RAPGEF5: variants seen among roughly 807,000 people sequenced by gnomAD.
RAPGEF5 encodes the protein M-Ras-regulated GEF.
RAPGEF5 carries 65 observed loss-of-function variants against 125.2 expected under a neutral mutation model. The ratio of observed to expected loss-of-function variants is 0.52; its 90% CI spans 0.43 to 0.64. RAPGEF5 has a LOEUF of 0.64. RAPGEF5 is among the 30% of genes least tolerant of loss of function. The pLI, the probability that RAPGEF5 is intolerant of heterozygous loss-of-function variation, is 0.00. For synonymous variants in RAPGEF5, 391 were observed against 385.9 expected, an observed-to-expected ratio of 1.01 and a Z score of -0.16; for missense variants, 958 against 1,048.1, an observed-to-expected ratio of 0.91 and a Z score of 1.19.
intron 6 of RAPGEF5, among the ~76,000 whole-genome samples, chr7:22,286,841 T>G (rs1782810171): frequency 6.6e-6 from 1 of 152,232 alleles, no homozygotes; most frequent in Non-Finnish European, 1.5e-5. Context: ...CTGGAAGAAT[T>G]CATGTTTAAA....
intron 7 of RAPGEF5, among the ~76,000 whole-genome samples, chr7:22,264,146 T>TAA (rs34792717): frequency 1.1e-4 from 17 of 151,972 alleles, no homozygotes; most frequent in Middle Eastern, 3.4e-3. Context: ...TACTTTCTGT[T>TAA]AAAAAAAATG....
intron 18 of RAPGEF5, among the ~76,000 whole-genome samples, chr7:22,149,430 C>T (rs534483572): frequency 1.4e-4 from 21 of 152,330 alleles, no homozygotes; most frequent in African/African-American, 4.3e-4. Context: ...CAGACACAAT[C>T]GCAATCTGCT....
At chr7:22,174,670 C>G (rs568637971) in intron 11 of RAPGEF5, among the ~76,000 whole-genome samples, 42 of 152,238 alleles carry the variant, frequency 2.8e-4, no homozygotes, top group African/African-American at 1.0e-3. Flanking sequence ...CCTGAAGGAT[C>G]TTTGAATGCT....
chr7:22,355,039 G>A (rs950676318), intron 1 of RAPGEF5, among the ~76,000 whole-genome samples: 4 of 152,158 alleles, frequency 2.6e-5, no homozygotes, highest in African/African-American at 4.8e-5. Flanking sequence ...GAAATAAACA[G>A]TCAAATAAAT....
In RAPGEF5 at chr7:22,193,412, G is replaced by C. The variant is rs760946858; in HGVS notation, c.1159C>G (p.Leu387Val). The change falls in exon 11 of 26, where the codon CTT becomes GTT. Residue 387 changes from leucine to valine, a missense_variant. Physicochemically the swap from Leu to Val is conservative, Grantham distance 32. Transcript: ENST00000665637. Reference protein sequence around the residue: ...SGTPEKILEHLLNDLHLEEVQ... With the variant: ...SGTPEKILEHVLNDLHLEEVQ... ...TCTTCCAGGTGCAAGTCATTCAAAAGGTGCTCCAAAATCTTCTCCGGGGTC... is the reference window on the plus strand; with the variant it reads ...TCTTCCAGGTGCAAGTCATTCAAAACGTGCTCCAAAATCTTCTCCGGGGTC... The C allele has an allele frequency of 4.4e-6, 7 of 1,597,184 alleles. No individual in the cohort carries two copies. Among genetic ancestry groups the C allele is most frequent in the South Asian group, 2.3e-5 (2 of 87,626 alleles).
At chr7:22,227,262 C>T (rs1268985259) in intron 8 of RAPGEF5, among the ~76,000 whole-genome samples, 4 of 151,594 alleles carry the variant, frequency 2.6e-5, no homozygotes, top group African/African-American at 4.8e-5. Context: ...TAAGCAAACT[C>T]GAATAATATC....
At chr7:22,337,082 A>G (rs1784040763) in intron 1 of RAPGEF5, among the ~76,000 whole-genome samples, 1 of 152,238 alleles carries the variant, frequency 6.6e-6, no homozygotes, top group African/African-American at 2.4e-5. Context: ...CAGAAAGAGT[A>G]TAATACGCGT....
At chr7:22,124,964 T>A (rs1782691784) in intron 25 of RAPGEF5, among the ~76,000 whole-genome samples, 2 of 152,208 alleles carry the variant, frequency 1.3e-5, no homozygotes. Flanking sequence ...CTCCTTCAAC[T>A]CAATGAAGTT....
chr7:22,204,936 A>G (rs1006035404), intron 9 of RAPGEF5, among the ~76,000 whole-genome samples: 7 of 152,180 alleles, frequency 4.6e-5, no homozygotes, highest in African/African-American at 1.7e-4. Flanking sequence ...TTGCTTGCAT[A>G]GGGGTAGATC....
intron 1 of RAPGEF5, among the ~76,000 whole-genome samples, chr7:22,340,622 C>T (rs1320662295): frequency 1.3e-5 from 2 of 152,202 alleles, no homozygotes; most frequent in African/African-American, 2.4e-5. Flanking sequence ...TGTCTGGGTC[C>T]CCCAGCCCCC....
At chr7:22,290,097 C>T (rs1782894228) in intron 6 of RAPGEF5, among the ~76,000 whole-genome samples, 1 of 152,214 alleles carries the variant, frequency 6.6e-6, no homozygotes, top group Non-Finnish European at 1.5e-5. Flanking sequence ...TTCTAAGCTG[C>T]ATTCCAGAAG....
chr7:22,264,589 T>C (rs1480581863), intron 7 of RAPGEF5, among the ~76,000 whole-genome samples: 1 of 152,206 alleles, frequency 6.6e-6, no homozygotes, highest in East Asian at 1.9e-4. Context: ...CTCATTCACT[T>C]GCCTCCTTGC....
intron 1 of RAPGEF5, among the ~76,000 whole-genome samples, chr7:22,325,317 C>T (rs1014867862): frequency 4.6e-5 from 7 of 152,258 alleles, no homozygotes; most frequent in Non-Finnish European, 7.4e-5. Context: ...AGGAGCTAAC[C>T]GCTGACTAGC....
chr7:22,351,723 C>A (rs754203064), intron 1 of RAPGEF5, among the ~76,000 whole-genome samples: 3 of 152,160 alleles, frequency 2.0e-5, no homozygotes, highest in Non-Finnish European at 4.4e-5. Context: ...AAATGACATG[C>A]TTTGCCTGTA....
intron 5 of RAPGEF5, among the ~76,000 whole-genome samples, chr7:22,307,361 C>T (rs1783366097): frequency 6.6e-6 from 1 of 152,054 alleles, no homozygotes; most frequent in African/African-American, 2.4e-5. Context: ...TGATTCAGTA[C>T]TGTTTTTTCT....
intron 8 of RAPGEF5, among the ~76,000 whole-genome samples, chr7:22,221,750 C>G (rs577630766): frequency 6.6e-6 from 1 of 152,314 alleles, no homozygotes; most frequent in African/African-American, 2.4e-5. Flanking sequence ...TCCAGCCATG[C>G]TGAACTGTGA....
At chr7:22,252,874 T>C (rs1043902236) in intron 7 of RAPGEF5, among the ~76,000 whole-genome samples, 1 of 152,226 alleles carries the variant, frequency 6.6e-6, no homozygotes, top group Non-Finnish European at 1.5e-5. Context: ...GTAAGAATTT[T>C]ACATTTTCAA....
chr7:22,321,191 C>T (rs1428634283), intron 1 of RAPGEF5, among the ~76,000 whole-genome samples: 2 of 152,018 alleles, frequency 1.3e-5, no homozygotes, highest in African/African-American at 4.8e-5. Flanking sequence ...TACAGGCAAA[C>T]CACATATTTT....
At position 22,120,147 on chromosome 7, in the gene RAPGEF5, TCCCTCTGCTAC is replaced by T. The variant is rs1449147664; in HGVS notation, c.*2248_*2258del. The T allele has an allele frequency of 6.6e-6, 1 of 152,232 alleles. No individual in the cohort carries two copies. Among genetic ancestry groups the T allele is most frequent in the Admixed American group, 6.5e-5 (1 of 15,274 alleles). 9.4% of individuals were successfully genotyped at this position (152,232 alleles called of 1,614,324 possible). A position where few individuals can be genotyped will look rare whatever the true frequency, so the allele number is the denominator to read the frequency against. ...ATCTTGACTGCACAAAATCCTCCCTTCCCTCTGCTACCCCTAGGACCACCTAACCACGGCTG... is the reference window on the plus strand; with the variant it reads ...ATCTTGACTGCACAAAATCCTCCCTTCCCTAGGACCACCTAACCACGGCTG... On this transcript the variant is annotated 3_prime_UTR_variant, in exon 26 of 26. Transcript: ENST00000665637. This position sits in a 1 kb window ranked among gnomAD's most constrained non-coding sequence, Gnocchi z 4.0.
Sources: gnomAD v4.1 joint callset for allele counts (sites outside exome capture counted in the v4.1 genomes callset) on GRCh38, gnomAD v4.1.1 for gene constraint, Gnocchi (gnomAD v3.1) non-coding constraint, MANE v1.5 for transcripts, NCBI Gene and HGNC (gene_info 2026-07-23, HGNC 2026-07-21) for gene names.